Variants in CACNA2D3 observed in about 807,000 individuals in gnomAD.
CACNA2D3 encodes voltage-dependent calcium channel subunit alpha-2/delta-3.
Under a neutral mutation model 160.6 loss-of-function variants are expected in CACNA2D3, and 60 were observed. The observed-to-expected ratio is 0.37, with a 90% CI of 0.30 to 0.46. The LOEUF is 0.46. CACNA2D3 is among the 20% of genes least tolerant of loss of function. The pLI is 1.00. For missense variants in CACNA2D3, 1,205 were observed against 1,365.0 expected, an observed-to-expected ratio of 0.88 and a Z score of 1.85; for synonymous variants, 558 against 492.9, an observed-to-expected ratio of 1.13 and a Z score of -1.75.
At chr3:54,460,215 C>T (rs1295779127) in intron 4 of CACNA2D3, among the ~76,000 whole-genome samples, 1 of 151,972 alleles carries the variant, frequency 6.6e-6, no homozygotes, top group African/African-American at 2.4e-5. Context: ...CGTGATGCCT[C>T]CAGCTTTGTT....
chr3:54,535,210 C>T (rs972182369), intron 5 of CACNA2D3, among the ~76,000 whole-genome samples: 1 of 152,184 alleles, frequency 6.6e-6, no homozygotes, highest in Non-Finnish European at 1.5e-5. Flanking sequence ...TCTGGGTCCT[C>T]CCCCAGATCT....
At chr3:54,707,961 G>A (rs552076404) in intron 11 of CACNA2D3, among the ~76,000 whole-genome samples, 4 of 152,222 alleles carry the variant, frequency 2.6e-5, no homozygotes, top group African/African-American at 9.6e-5. Context: ...ATTAAGACTT[G>A]GTTATGTGAC....
intron 4 of CACNA2D3, among the ~76,000 whole-genome samples, chr3:54,464,656 A>G (rs576605021): frequency 5.7e-4 from 87 of 152,116 alleles, no homozygotes; most frequent in Non-Finnish European, 1.0e-3. Flanking sequence ...GGAGTGACCC[A>G]ATTTTCCAAG....
chr3:54,192,879 A>G (rs1486658194), intron 2 of CACNA2D3, among the ~76,000 whole-genome samples: 1 of 152,200 alleles, frequency 6.6e-6, no homozygotes, highest in Non-Finnish European at 1.5e-5. Flanking sequence ...CTCAGGGAGA[A>G]TCAGATCATG....
intron 2 of CACNA2D3, among the ~76,000 whole-genome samples, chr3:54,184,261 G>A (rs572391544): frequency 1.3e-5 from 2 of 152,168 alleles, no homozygotes; most frequent in East Asian, 1.9e-4. Flanking sequence ...CAGGCTGTGC[G>A]CTGCCTCTGG....
intron 4 of CACNA2D3, among the ~76,000 whole-genome samples, chr3:54,457,375 T>C (rs1404906836): frequency 6.6e-6 from 1 of 152,066 alleles, no homozygotes. Flanking sequence ...TTCTGAAAGT[T>C]CTTGTTACTG....
chr3:55,045,996 C>T (rs953196052), intron 35 of CACNA2D3, among the ~76,000 whole-genome samples: 1 of 151,732 alleles, frequency 6.6e-6, no homozygotes, highest in African/African-American at 2.4e-5. Context: ...TGAGGACTTT[C>T]TTCTTTCTAA....
intron 21 of CACNA2D3, among the ~76,000 whole-genome samples, chr3:54,882,293 G>A (rs1699817035): frequency 6.6e-6 from 1 of 152,154 alleles, no homozygotes; most frequent in African/African-American, 2.4e-5. Context: ...AATAGGAGAG[G>A]TTATTAAGAG....
At chr3:54,191,363 T>A (rs1174455769) in intron 2 of CACNA2D3, among the ~76,000 whole-genome samples, 1 of 151,642 alleles carries the variant, frequency 6.6e-6, no homozygotes, top group Non-Finnish European at 1.5e-5. Flanking sequence ...CTGGCCATAT[T>A]TAATGTTCTA....
intron 2 of CACNA2D3, among the ~76,000 whole-genome samples, chr3:54,181,692 G>A (rs1034469804): frequency 2.0e-5 from 3 of 152,210 alleles, no homozygotes; most frequent in African/African-American, 7.2e-5. Flanking sequence ...GTGCTTTCAC[G>A]TAAATTATTT....
intron 2 of CACNA2D3, among the ~76,000 whole-genome samples, chr3:54,230,045 A>C (rs1701741137): frequency 6.6e-6 from 1 of 152,156 alleles, no homozygotes; most frequent in Non-Finnish European, 1.5e-5. Flanking sequence ...GCCAAAGGTA[A>C]TTTTAAGTTT....
At chr3:54,811,586 C>T (rs1238310925) in intron 13 of CACNA2D3, among the ~76,000 whole-genome samples, 1 of 149,210 alleles carries the variant, frequency 6.7e-6, no homozygotes, top group Non-Finnish European at 1.5e-5. Flanking sequence ...CAACCTCCGC[C>T]TCCCAGGTAC....
intron 2 of CACNA2D3, among the ~76,000 whole-genome samples, chr3:54,274,468 T>A (rs1702691527): frequency 1.3e-5 from 2 of 152,232 alleles, no homozygotes; most frequent in Admixed American, 6.5e-5. Flanking sequence ...TCAGTACCCC[T>A]AGAATGTTAG....
chr3:54,240,124 A>G (rs1313585419), intron 2 of CACNA2D3, among the ~76,000 whole-genome samples: 1 of 152,238 alleles, frequency 6.6e-6, no homozygotes, highest in East Asian at 1.9e-4. Context: ...CAAAGTATTA[A>G]AGGGGCTCTC....
At chr3:54,292,370 A>T (rs1553782724) in intron 2 of CACNA2D3, among the ~76,000 whole-genome samples, 6 of 152,220 alleles carry the variant, frequency 3.9e-5, no homozygotes, top group Non-Finnish European at 8.8e-5. Flanking sequence ...TTTCAAGAAC[A>T]CTATCAAGAA....
chr3:54,769,088 G>C (rs754405697), intron 13 of CACNA2D3, among the ~76,000 whole-genome samples: 3 of 152,094 alleles, frequency 2.0e-5, no homozygotes, highest in Non-Finnish European at 4.4e-5. Context: ...GATTCTGCCA[G>C]GACACGAACA....
intron 4 of CACNA2D3, among the ~76,000 whole-genome samples, chr3:54,437,177 A>G (rs912840379): frequency 6.6e-6 from 1 of 152,222 alleles, no homozygotes; most frequent in Non-Finnish European, 1.5e-5. Context: ...AAATGGTTAC[A>G]TACTCTACAT....
At chr3:54,731,460 T>C (rs1701384681) in intron 11 of CACNA2D3, among the ~76,000 whole-genome samples, 1 of 152,162 alleles carries the variant, frequency 6.6e-6, no homozygotes, top group Admixed American at 6.5e-5. Flanking sequence ...TACATTTAAG[T>C]GTCAAAAGGA....
chr3:54,715,790 T>C (rs1701040627), intron 11 of CACNA2D3, among the ~76,000 whole-genome samples: 1 of 152,180 alleles, frequency 6.6e-6, no homozygotes, highest in African/African-American at 2.4e-5. Flanking sequence ...AGGGAAACTC[T>C]GCCATTTGTG....
Sources: allele counts gnomAD v4.1 joint callset (sites outside exome capture counted in the v4.1 genomes callset), GRCh38; gene constraint gnomAD v4.1.1; transcripts MANE v1.5; gene names NCBI Gene and HGNC (gene_info 2026-07-23, HGNC 2026-07-21).